The following SHQ1 variants were observed in gnomAD, a reference collection of about 807,000 sequenced individuals.
SHQ1 encodes the protein SHQ1, H/ACA ribonucleoprotein assembly factor.
SHQ1 carries 49 observed loss-of-function variants against 53.8 expected under a neutral mutation model. The observed-to-expected ratio is 0.91, with a 90% CI of 0.72 to 1.16. The LOEUF (loss-of-function observed/expected upper bound fraction) is 1.16. Among genes scored for constraint, SHQ1 ranks in the 50% most tolerant of loss-of-function variants. The pLI is 0.00. For missense variants in SHQ1, 738 were observed against 683.1 expected (o/e 1.08, Z -0.90); for synonymous variants, 243 against 251.0 (o/e 0.97, Z 0.30).
rs1708268708 is a variant in SHQ1 at position 72,844,392 on chromosome 3, C to T, written c.175G>A (p.Gly59Arg). The T allele has an allele frequency of 6.2e-7, 1 of 1,613,830 alleles. No individual in the cohort carries two copies. The highest frequency in any genetic ancestry group is 8.5e-7 in the Non-Finnish European group (1 of 1,179,838). The part of the protein sequence containing the change: ...LTLPGRIVEN[G>R]SEQGSYDADK... Reference sequence around the variant, plus strand: ...GCATCATAGGACCCTTGCTCACTTCCATTTTCTACAATTCTTCCAGGAAGG... The same window carrying T: ...GCATCATAGGACCCTTGCTCACTTCTATTTTCTACAATTCTTCCAGGAAGG... The change falls in exon 2 of 11, where the codon GGA (glycine) becomes AGA (arginine). Residue 59 changes from glycine to arginine, a missense_variant. Gly to Arg is a moderately radical substitution (Grantham distance 125). Transcript: ENST00000325599.
downstream of SHQ1, among the ~76,000 whole-genome samples, chr3:72,746,558 G>T (rs1705262703): frequency 6.6e-6 from 1 of 152,288 alleles, no homozygotes. Context: ...AAACACTGCC[G>T]ACACGGACTC....
the SHQ1 span, among the ~76,000 whole-genome samples, chr3:72,732,201 C>T: frequency 7.9e-5 from 12 of 151,544 alleles, no homozygotes; most frequent in African/African-American, 2.7e-4. Flanking sequence ...TGGGAGGAAG[C>T]CCCGTGCAGG....
At chr3:72,733,926 A>G in the SHQ1 span, among the ~76,000 whole-genome samples, 2 of 151,682 alleles carry the variant, frequency 1.3e-5, no homozygotes, top group South Asian at 4.2e-4. Flanking sequence ...TCAGGACTAG[A>G]TATCAGGCCT....
At chr3:72,834,583 A>C (rs1707934304) in intron 4 of SHQ1, among the ~76,000 whole-genome samples, 1 of 152,232 alleles carries the variant, frequency 6.6e-6, no homozygotes, top group African/African-American at 2.4e-5. Context: ...AATGTTGTCA[A>C]GTACAAACAT....
intron 6 of SHQ1, among the ~76,000 whole-genome samples, chr3:72,824,206 C>T (rs1174910011): frequency 6.6e-6 from 1 of 152,006 alleles, no homozygotes; most frequent in Non-Finnish European, 1.5e-5. Context: ...TAAAGGAAAC[C>T]ATACTTCAAA....
intron 6 of SHQ1, among the ~76,000 whole-genome samples, chr3:72,820,857 C>T (rs1305632252): frequency 6.6e-6 from 1 of 152,176 alleles, no homozygotes; most frequent in East Asian, 1.9e-4. Flanking sequence ...GACCACCTCC[C>T]AACATCAAAA....
the SHQ1 span, among the ~76,000 whole-genome samples, chr3:72,735,849 G>A: frequency 6.6e-6 from 1 of 150,522 alleles, no homozygotes; most frequent in Non-Finnish European, 1.5e-5. Flanking sequence ...AGCTTTAGGG[G>A]TGGCTGGGTG....
chr3:72,731,379 GT>G, the SHQ1 span, among the ~76,000 whole-genome samples: 7 of 151,494 alleles, frequency 4.6e-5, no homozygotes, highest in Non-Finnish European at 5.9e-5. Context: ...TCATTAAAAA[GT>G]TTTTTTAAAA....
At chr3:72,827,753 CTTTT>C (rs397877851) in intron 5 of SHQ1, among the ~76,000 whole-genome samples, 1 of 111,686 alleles carries the variant, frequency 9.0e-6, no homozygotes. Flanking sequence ...TTTTTCAAGA[CTTTT>C]TTTTTTTTTT....
chr3:72,817,627 T>C (rs892202455), intron 6 of SHQ1, among the ~76,000 whole-genome samples: 2 of 152,216 alleles, frequency 1.3e-5, no homozygotes, highest in Admixed American at 6.5e-5. Flanking sequence ...CCTTAATTCC[T>C]GACCCTCCCT....
intron 10 of SHQ1, among the ~76,000 whole-genome samples, chr3:72,761,401 G>A (rs182193837): frequency 1.1e-4 from 16 of 152,174 alleles, no homozygotes; most frequent in Admixed American, 1.0e-3. Flanking sequence ...CAAACTCCTG[G>A]GCTCAAGCGA....
intron 10 of SHQ1, among the ~76,000 whole-genome samples, chr3:72,778,799 T>C (rs887459599): frequency 9.9e-5 from 15 of 152,238 alleles, no homozygotes; most frequent in Non-Finnish European, 1.6e-4. Flanking sequence ...GTTTAAGTTC[T>C]GTATAGAAAA....
chr3:72,824,754 T>C (rs1445540822), intron 5 of SHQ1, among the ~76,000 whole-genome samples: 2 of 151,914 alleles, frequency 1.3e-5, no homozygotes, highest in African/African-American at 4.8e-5. Flanking sequence ...AAAGTAAGTA[T>C]CTGCCTAAAG....
At position 72,750,799 on chromosome 3, in the gene SHQ1, C is replaced by T. The variant is rs1705350256; in HGVS notation, c.1219G>A (p.Glu407Lys). Residue 407 changes from glutamate to lysine, a missense_variant, in exon 11 of 11, where the codon GAA becomes AAA. By Grantham distance (56) the Glu-to-Lys change is moderately conservative. Coordinates refer to ENST00000325599, the MANE Select transcript of SHQ1 (RefSeq NM_018130.3). ...AGCTGGGCCTTTGTAAGGGAGACTT[C>T]CTTTAAGGCTTCTGCAAGAGCTGCC... is the stretch of plus-strand genomic sequence containing the variant. ...KLAALAEALKEVSLTKAQLGL... is the reference protein window; with the variant it reads ...KLAALAEALKKVSLTKAQLGL... The T allele has an allele frequency of 1.4e-5, 22 of 1,533,714 alleles. No individual in the cohort carries two copies. Among genetic ancestry groups the T allele is most frequent in the Non-Finnish European group, 1.9e-5 (22 of 1,138,652 alleles).
At chr3:72,836,038 C>T (rs1001261724) in intron 4 of SHQ1, among the ~76,000 whole-genome samples, 5 of 152,184 alleles carry the variant, frequency 3.3e-5, no homozygotes, top group Non-Finnish European at 7.3e-5. Flanking sequence ...CATCACTGTG[C>T]CCGGTGTCCA....
the SHQ1 span, among the ~76,000 whole-genome samples, chr3:72,731,859 T>C: frequency 1.5e-3 from 230 of 151,478 alleles, 5 homozygotes; most frequent in African/African-American, 5.5e-3. Flanking sequence ...GAGCATCCAC[T>C]ACCAATGTGC....
At position 72,848,355 on chromosome 3, in the gene SHQ1, C is replaced by T. The variant is rs1397553234; in HGVS notation, c.-15G>A. ...GGGGTCAGCATCGCCGCACCGGACG[C>T]AAGGGCCGGCGCCGCTCGCTCTCAC... On this transcript the variant is annotated 5_prime_UTR_variant, in exon 1 of 11. Coordinates refer to ENST00000325599, the MANE Select transcript of SHQ1 (RefSeq NM_018130.3). The T allele has an allele frequency of 6.2e-7, 1 of 1,612,962 alleles. No homozygotes were observed. The highest frequency in any genetic ancestry group is 2.2e-5 in the East Asian group (1 of 44,826).
At chr3:72,761,010 T>C (rs1705598344) in intron 10 of SHQ1, among the ~76,000 whole-genome samples, 1 of 152,184 alleles carries the variant, frequency 6.6e-6, no homozygotes, top group South Asian at 2.1e-4. Context: ...ATTCCAACGA[T>C]TCAACAACTA....
At chr3:72,759,510 G>C (rs1042978076) in intron 10 of SHQ1, among the ~76,000 whole-genome samples, 31 of 152,106 alleles carry the variant, frequency 2.0e-4, no homozygotes, top group African/African-American at 7.2e-4. Flanking sequence ...GGCCAACATG[G>C]GGAAATCCTG....
Sources: allele counts gnomAD v4.1 joint callset (sites outside exome capture counted in the v4.1 genomes callset), GRCh38; gene constraint gnomAD v4.1.1; transcripts MANE v1.5; gene names NCBI Gene and HGNC (gene_info 2026-07-23, HGNC 2026-07-21).